The following GABRG3 variants were observed in gnomAD, a reference collection of about 807,000 sequenced individuals.
GABRG3 encodes the protein gamma-aminobutyric acid receptor subunit gamma-3.
GABRG3 carries 25 observed loss-of-function variants against 48.8 expected under a neutral mutation model. The observed-to-expected ratio is 0.51, with a 90% CI of 0.37 to 0.72. The LOEUF (loss-of-function observed/expected upper bound fraction) is 0.72, where lower values mean the gene tolerates loss of function less well. GABRG3 is among the 30% of genes least tolerant of loss of function. The pLI, the probability that GABRG3 is intolerant of heterozygous loss-of-function variation, is 0.00. For synonymous variants in GABRG3, 227 were observed against 217.6 expected, an observed-to-expected ratio of 1.04 and a Z score of -0.38; for missense variants, 394 against 577.9, an observed-to-expected ratio of 0.68 and a Z score of 3.26.
chr15:27,397,742 T>A (rs1421906796), intron 5 of GABRG3, among the ~76,000 whole-genome samples: 1 of 152,086 alleles, frequency 6.6e-6, no homozygotes, highest in African/African-American at 2.4e-5. Flanking sequence ...TTTTTCTTGG[T>A]GTTTATGGTA....
At chr15:27,515,346 G>A (rs374324757) in intron 6 of GABRG3, among the ~76,000 whole-genome samples, 2 of 152,090 alleles carry the variant, frequency 1.3e-5, no homozygotes, top group Admixed American at 6.6e-5. Flanking sequence ...CACCTAACCC[G>A]GCTTCCCAAA....
intron 5 of GABRG3, chr15:27,362,980 T>C (rs1895072514): frequency 6.6e-6 from 1 of 152,230 alleles, no homozygotes; most frequent in African/African-American, 2.4e-5. Context: ...AATACCATAC[T>C]GTAAATTGAT....
intron 5 of GABRG3, among the ~76,000 whole-genome samples, chr15:27,443,128 GC>G (rs1248015907): frequency 2.6e-5 from 4 of 152,196 alleles, no homozygotes; most frequent in Non-Finnish European, 2.9e-5. Context: ...GAGGTGATGA[GC>G]GTGGGCCCTA....
At chr15:27,290,912 T>C (rs747526175) in intron 3 of GABRG3, among the ~76,000 whole-genome samples, 58 of 152,280 alleles carry the variant, frequency 3.8e-4, no homozygotes, top group Non-Finnish European at 6.2e-4. Flanking sequence ...AAAAAGTAGG[T>C]GTGGAATATT....
intron 3 of GABRG3, among the ~76,000 whole-genome samples, chr15:27,221,415 A>G (rs1889449653): frequency 6.6e-6 from 1 of 152,154 alleles, no homozygotes; most frequent in Non-Finnish European, 1.5e-5. Flanking sequence ...GATTTGAAAA[A>G]GAGTTGAGGA....
intron 5 of GABRG3, among the ~76,000 whole-genome samples, chr15:27,475,062 G>A (rs1414129899): frequency 6.6e-6 from 1 of 152,112 alleles, no homozygotes; most frequent in Admixed American, 6.5e-5. Context: ...CCTGGAAGGT[G>A]GAGGTTGCAG....
At position 27,352,429 on chromosome 15, in the gene GABRG3, G is replaced by A. The variant is rs906474456; in HGVS notation, c.574+23541G>A. Among the ~76,000 whole-genome samples, 1 of 152,022 alleles carries A rather than the reference G, an allele frequency of 6.6e-6. No homozygotes were observed. The highest frequency in any genetic ancestry group is 2.4e-5 in the African/African-American group (1 of 41,352). The stretch of plus-strand genomic sequence containing the variant: ...AAAAATAACCCAGGAAATCCCACAA[G>A]ATGTAAATCCAGGGTGAGCCAAGCA... On this transcript the variant is annotated intron_variant, in intron 5 of 9. Transcript: ENST00000615808. This position sits in a 1 kb window ranked among gnomAD's most constrained non-coding sequence, Gnocchi z 4.0.
rs546033712 is a variant in GABRG3 at position 27,134,595 on chromosome 15, C to T, written c.270+107774C>T. 5.3e-5 allele frequency among the ~76,000 whole-genome samples: 8 copies of T among 152,256 alleles called. No individual in the cohort carries two copies. In the East Asian group the frequency reaches 5.8e-4, roughly 11 times the overall value. ...GCTCTGGCCTAGTCCCACCCATGCC[C>T]GGCTTCTCCTTTCACTTCCCTCCTC... is the stretch of plus-strand genomic sequence containing the variant. On this transcript the variant is annotated intron_variant, in intron 3 of 9. Transcript: ENST00000615808.
At chr15:27,295,400 G>T (rs1891948328) in intron 3 of GABRG3, among the ~76,000 whole-genome samples, 1 of 152,194 alleles carries the variant, frequency 6.6e-6, no homozygotes, top group East Asian at 1.9e-4. Context: ...CATTTCAAAA[G>T]CACGGGCTGG....
chr15:27,169,830 C>A (rs1325935495), intron 3 of GABRG3, among the ~76,000 whole-genome samples: 1 of 152,074 alleles, frequency 6.6e-6, no homozygotes. Flanking sequence ...AAAGACATTA[C>A]ACAGAGGAAA....
intron 3 of GABRG3, among the ~76,000 whole-genome samples, chr15:27,223,709 C>T (rs919762167): frequency 1.3e-5 from 2 of 151,958 alleles, no homozygotes; most frequent in African/African-American, 4.8e-5. Context: ...GTGTCTAGTA[C>T]CTTGTCCCCC....
Position 27,289,272 on chromosome 15 carries a change from C to CT in GABRG3, c.271-37527dup, listed in dbSNP as rs548662687. ...TTTCCGCCCATTCTATGCCTCTACT[C>CT]TTTTTTTTTTCTGAGAATCCAGTTA... On this transcript the variant is annotated intron_variant, in intron 3 of 9. Transcript: ENST00000615808. Among the ~76,000 whole-genome samples, 1,047 of 149,010 alleles carry CT rather than the reference C, an allele frequency of 7.0e-3. 12 individuals carry two copies. The highest frequency in any genetic ancestry group is 0.024 in the African/African-American group (977 of 40,612).
intron 3 of GABRG3, among the ~76,000 whole-genome samples, chr15:27,305,683 A>G (rs1393021470): frequency 3.2e-5 from 3 of 93,454 alleles, no homozygotes; most frequent in Non-Finnish European, 6.3e-5. Flanking sequence ...ATATGTTTAT[A>G]TATAAACATA....
chr15:27,083,306 A>G (rs1377257963), intron 3 of GABRG3, among the ~76,000 whole-genome samples: 1 of 151,814 alleles, frequency 6.6e-6, no homozygotes, highest in Non-Finnish European at 1.5e-5. Flanking sequence ...TGAACCGACA[A>G]GTGGTAAAAT....
chr15:27,356,950 C>T (rs1368348475), intron 5 of GABRG3, among the ~76,000 whole-genome samples: 3 of 152,134 alleles, frequency 2.0e-5, no homozygotes, highest in African/African-American at 7.2e-5. Context: ...GATGTTCATT[C>T]TATAATGAGT....
At chr15:27,024,544 G>C (rs1895951197) in intron 2 of GABRG3, among the ~76,000 whole-genome samples, 1 of 152,148 alleles carries the variant, frequency 6.6e-6, no homozygotes, top group African/African-American at 2.4e-5. Context: ...TCCTAGCACT[G>C]TTGGTTGAAA....
chr15:27,266,711 T>C (rs1480549650), intron 3 of GABRG3, among the ~76,000 whole-genome samples: 1 of 152,232 alleles, frequency 6.6e-6, no homozygotes, highest in Non-Finnish European at 1.5e-5. Context: ...CTCCCAGTAA[T>C]GCTATGTGGT....
Position 27,152,328 on chromosome 15 carries a change from T to C in GABRG3, c.270+125507T>C, listed in dbSNP as rs542012824. Reference sequence around the variant, plus strand: ...AGGTCTTTCTGGGTTCTCTATTCTGTTTTATTTATCTATTGTTTTCCTCCA... The same window carrying C: ...AGGTCTTTCTGGGTTCTCTATTCTGCTTTATTTATCTATTGTTTTCCTCCA... On this transcript the variant is annotated intron_variant, in intron 3 of 9. Coordinates refer to ENST00000615808, the MANE Select transcript of GABRG3 (RefSeq NM_033223.5). 2.0e-4 allele frequency among the ~76,000 whole-genome samples: 30 copies of C among 152,302 alleles called. No individual in the cohort carries two copies. The South Asian group carries it at 5.8e-3, about 29-fold the overall frequency.
At chr15:27,131,990 T>A (rs1279951984) in intron 3 of GABRG3, among the ~76,000 whole-genome samples, 2 of 152,138 alleles carry the variant, frequency 1.3e-5, no homozygotes, top group Non-Finnish European at 1.5e-5. Context: ...TTTATATTTT[T>A]GATATTGAGT....
Sources: allele counts gnomAD v4.1 joint callset (sites outside exome capture counted in the v4.1 genomes callset), GRCh38; gene constraint gnomAD v4.1.1; non-coding constraint Gnocchi (gnomAD v3.1); transcripts MANE v1.5; gene names NCBI Gene and HGNC (gene_info 2026-07-23, HGNC 2026-07-21).